Variants in FUT8 observed in about 807,000 individuals in gnomAD.
FUT8 encodes fucosyltransferase 8, also known as alpha-(1,6)-fucosyltransferase.
In FUT8, 29 loss-of-function variants were observed where a neutral mutation model predicts 71.3. The ratio of observed to expected loss-of-function variants is 0.41; its 90% confidence interval spans 0.30 to 0.55. The LOEUF (loss-of-function observed/expected upper bound fraction) is 0.55, where lower values mean the gene tolerates loss of function less well. Among genes scored for constraint, FUT8 ranks in the 20% least tolerant of loss-of-function variants. The pLI is 0.34. For synonymous variants in FUT8, 254 were observed against 239.3 expected (o/e 1.06, Z -0.57); for missense variants, 544 against 702.1 (o/e 0.77, Z 2.55).
At chr14:65,392,487 T>C in the FUT8 span, among the ~76,000 whole-genome samples, 1 of 152,210 alleles carries the variant, frequency 6.6e-6, no homozygotes, top group Non-Finnish European at 1.5e-5. Flanking sequence ...CTTTAAAATT[T>C]CTGGTGCTGT....
intron 4 of FUT8, 51 bp from the exon 5 acceptor site, chr14:65,616,160 C>T (rs1333946944): frequency 6.3e-7 from 1 of 1,594,258 alleles, no homozygotes; most frequent in Non-Finnish European, 8.5e-7. Flanking sequence ...TTGAAAGTTT[C>T]CTTTTATCAA....
At chr14:65,450,234 G>A in intron 1 of FUT8, among the ~76,000 whole-genome samples, 1 of 152,074 alleles carries the variant, frequency 6.6e-6, no homozygotes. Context: ...AAAAATGACT[G>A]ACTCTGTTCA....
intron 1 of FUT8, among the ~76,000 whole-genome samples, chr14:65,454,798 G>A (rs1326184211): frequency 2.0e-5 from 3 of 152,160 alleles, no homozygotes; most frequent in Admixed American, 6.6e-5. Flanking sequence ...TTTGATGTGC[G>A]AATCTTTATT....
intron 7 of FUT8, among the ~76,000 whole-genome samples, chr14:65,689,773 G>A (rs1348695717): frequency 1.3e-5 from 2 of 152,172 alleles, no homozygotes; most frequent in Non-Finnish European, 2.9e-5. Context: ...TCCTGACCTC[G>A]TGATCCGCCC....
chr14:65,724,028 AT>A lies in FUT8; in HGVS notation c.1083-118del, dbSNP rs112705547. On this transcript the variant is annotated intron_variant, in intron 8 of 10. Transcript: ENST00000673929. ...TGTTTTACTTTTTCTAATAGTGAAA[AT>A]GAAAGAAAAATCAGTTAAAAATGCC... 1,557 of 662,488 alleles carry A rather than the reference AT, an allele frequency of 2.4e-3. 16 individuals are homozygous for A. The highest frequency in any genetic ancestry group is 0.023 in the African/African-American group (1,259 of 53,788). 41.0% of individuals were successfully genotyped at this position (662,488 alleles called of 1,614,324 possible).
chr14:65,520,072 C>A (rs1054155257), intron 2 of FUT8, among the ~76,000 whole-genome samples: 1 of 152,192 alleles, frequency 6.6e-6, no homozygotes, highest in Non-Finnish European at 1.5e-5. Flanking sequence ...AGCCACCATG[C>A]CCAGCCTACC....
chr14:65,506,294 A>G (rs2066732863), intron 2 of FUT8, among the ~76,000 whole-genome samples: 2 of 152,190 alleles, frequency 1.3e-5, no homozygotes, highest in African/African-American at 2.4e-5. Context: ...GTAATAAGCC[A>G]TTTTTCAGTG....
At chr14:65,736,247 T>G (rs1594951361) in intron 10 of FUT8, among the ~76,000 whole-genome samples, 1 of 152,054 alleles carries the variant, frequency 6.6e-6, no homozygotes, top group African/African-American at 2.4e-5. Context: ...CAATACAGTG[T>G]TAAACACATT....
At chr14:65,360,723 GCTTATAGCC>G in the FUT8 span, among the ~76,000 whole-genome samples, 8 of 152,284 alleles carry the variant, frequency 5.3e-5, no homozygotes, top group South Asian at 6.2e-4. Context: ...TGGGAAGTTG[GCTTATAGCC>G]CTCAAATGCT....
At chr14:65,443,131 G>A (rs2065686233) in intron 1 of FUT8, among the ~76,000 whole-genome samples, 1 of 151,938 alleles carries the variant, frequency 6.6e-6, no homozygotes, top group Non-Finnish European at 1.5e-5. Context: ...GAGTTTTGGG[G>A]TGGGTGTGGT....
At chr14:65,591,001 T>G (rs1323606804) in intron 3 of FUT8, among the ~76,000 whole-genome samples, 1 of 152,164 alleles carries the variant, frequency 6.6e-6, no homozygotes, top group East Asian at 1.9e-4. Flanking sequence ...TTACCTATAG[T>G]TTATTTGAAA....
chr14:65,633,399 C>T (rs1355891988), intron 6 of FUT8, among the ~76,000 whole-genome samples: 3 of 152,226 alleles, frequency 2.0e-5, no homozygotes, highest in South Asian at 4.1e-4. Context: ...CCTGCCTTGG[C>T]CTCCCAAAGT....
intron 2 of FUT8, among the ~76,000 whole-genome samples, chr14:65,521,458 G>A (rs1883074956): frequency 6.6e-6 from 1 of 152,108 alleles, no homozygotes; most frequent in Non-Finnish European, 1.5e-5. Context: ...CATTAGGGAT[G>A]GTAATAAGGA....
At chr14:65,689,449 A>AGTT (rs1278508708) in intron 7 of FUT8, among the ~76,000 whole-genome samples, 2 of 152,126 alleles carry the variant, frequency 1.3e-5, no homozygotes, top group African/African-American at 4.8e-5. Context: ...TATAAAGTTG[A>AGTT]GTTGAGTTGG....
In FUT8 at chr14:65,677,542, C is replaced by A. The variant is rs28716649; in HGVS notation, c.835+8062C>A. 8.0e-3 allele frequency among the ~76,000 whole-genome samples: 1,217 copies of A among 152,160 alleles called. 18 individuals carry two copies. Among genetic ancestry groups the A allele is most frequent in the African/African-American group, 0.028 (1,165 of 41,500 alleles). Reference sequence around the variant, plus strand: ...ACTGATTTTCCCAAAAGATATATTACAATTAGAGTTATCATTTTTGTTCAG... The same window carrying A: ...ACTGATTTTCCCAAAAGATATATTAAAATTAGAGTTATCATTTTTGTTCAG... On this transcript the variant is annotated intron_variant, in intron 7 of 10. Transcript: ENST00000673929.
At chr14:65,421,038 C>CA (rs1302197661) in intron 1 of FUT8, among the ~76,000 whole-genome samples, 2 of 151,794 alleles carry the variant, frequency 1.3e-5, no homozygotes, top group Non-Finnish European at 2.9e-5. Context: ...ACTAAAAATA[C>CA]AAAAATTAGC....
chr14:65,421,383 G>A (rs996084074), intron 1 of FUT8, among the ~76,000 whole-genome samples: 2 of 152,080 alleles, frequency 1.3e-5, no homozygotes, highest in East Asian at 1.9e-4. Flanking sequence ...AAGGGGAGGC[G>A]TGAGAGGCAG....
intron 7 of FUT8, among the ~76,000 whole-genome samples, chr14:65,682,343 TA>T (rs1330410949): frequency 6.6e-6 from 1 of 152,124 alleles, no homozygotes; most frequent in Admixed American, 6.5e-5. Flanking sequence ...CTCTTAAAAA[TA>T]AAATTTTTTT....
At chr14:65,508,375 C>CT (rs1452266690) in intron 2 of FUT8, among the ~76,000 whole-genome samples, 1 of 149,694 alleles carries the variant, frequency 6.7e-6, no homozygotes, top group African/African-American at 2.5e-5. Context: ...CGGCCGAACA[C>CT]TTTTTCATAC....
Sources: gnomAD v4.1 joint callset for allele counts (sites outside exome capture counted in the v4.1 genomes callset) on GRCh38, gnomAD v4.1.1 for gene constraint, MANE v1.5 for transcripts, NCBI Gene and HGNC (gene_info 2026-07-23, HGNC 2026-07-21) for gene names.